Variants in XIAP observed in about 807,000 individuals in gnomAD.
XIAP encodes E3 ubiquitin-protein ligase XIAP.
Under a neutral mutation model 33.1 loss-of-function variants are expected in XIAP, and 3 were observed. The observed-to-expected ratio is 0.09, with a 90% confidence interval of 0.04 to 0.23. The LOEUF is 0.23. Among genes scored for constraint, XIAP ranks in the 10% least tolerant of loss-of-function variants. The pLI is 1.00. For synonymous variants in XIAP, 98 were observed against 121.3 expected (o/e 0.81, Z 1.26); for missense variants, 264 against 363.0 (o/e 0.73, Z 2.22).
chrX:123,867,319 A>G (rs2053150760), intron 1 of XIAP, among the ~76,000 whole-genome samples: 1 of 108,283 alleles, frequency 9.2e-6, no homozygotes, highest in Admixed American at 1.0e-4. Flanking sequence ...TCAGCCTCCC[A>G]AAGTGCTGGG....
chrX:123,885,483 C>T lies in XIAP; in HGVS notation c.-32-148C>T, dbSNP rs767037755. On this transcript the variant is annotated intron_variant, in intron 1 of 6. Transcript: ENST00000371199. ...TATGACTTGAATGATGTGGTAATGT[C>T]GAACTCTAGTATTTAGAATTAGAAT... 1.7e-4 allele frequency: 75 copies of T among 434,137 alleles called. 1 individual carries two copies. Among genetic ancestry groups the T allele is most frequent in the Non-Finnish European group, 2.5e-4 (67 of 264,357 alleles). 35.8% of individuals were successfully genotyped at this position (434,137 alleles called of 1,213,427 possible). A position where few individuals can be genotyped will look rare whatever the true frequency, so the allele number is the denominator to read the frequency against.
At chrX:123,906,813 T>C (rs17334739) in intron 6 of XIAP, among the ~76,000 whole-genome samples, 175 bp from the exon 7 acceptor site, 21,599 of 111,423 alleles carry the variant, frequency 0.19, 1,486 homozygotes, top group South Asian at 0.39. Flanking sequence ...TCATCTTACA[T>C]CCTCTCCCAC....
intron 1 of XIAP, among the ~76,000 whole-genome samples, chrX:123,874,274 T>C (rs1038029611): frequency 8.9e-6 from 1 of 112,009 alleles, no homozygotes; most frequent in Admixed American, 9.6e-5. Context: ...CTAATATATT[T>C]GCTGTATAGA....
In XIAP at chrX:123,912,321, C is replaced by T. The variant is rs762047770; in HGVS notation, c.*5140C>T. ...TAAGCAACAGTATAACAACTATTTA[C>T]ATAGCATTAAGGTTGGTGCAAAAAT... On this transcript the variant is annotated 3_prime_UTR_variant, in exon 7 of 7. Coordinates refer to ENST00000371199, the MANE Select transcript of XIAP (RefSeq NM_001167.4). 54 of 309,265 alleles carry T rather than the reference C, an allele frequency of 1.7e-4. No homozygotes were observed. In the East Asian group the frequency reaches 2.5e-3, roughly 15 times the overall value. The allele number at this position is 309,265 out of a possible 1,213,427, so 25.5% of individuals were successfully genotyped here.
Position 123,885,786 on chromosome X carries a change from G to A in XIAP, c.124G>A (p.Val42Ile), listed in dbSNP as rs1236823622. ...TGCTAATTTTCCAAGTGGTAGTCCTGTTTCAGCATCAACACTGGCACGAGC... is the reference window on the plus strand; with the variant it reads ...TGCTAATTTTCCAAGTGGTAGTCCTATTTCAGCATCAACACTGGCACGAGC... ...TFANFPSGSP[V>I]SASTLARAGF... Residue 42 changes from valine (V) to isoleucine (I), a missense_variant, in exon 2 of 7, where the codon GTT becomes ATT. Val to Ile is a conservative substitution (Grantham distance 29, BLOSUM62 3). Coordinates refer to ENST00000371199, the MANE Select transcript of XIAP (RefSeq NM_001167.4). 1.7e-6 allele frequency: 2 copies of A among 1,211,970 alleles called. No homozygotes were observed. Among genetic ancestry groups the A allele is most frequent in the Non-Finnish European group, 2.2e-6 (2 of 895,594 alleles).
At chrX:123,899,940 C>G (rs2053501520) in intron 5 of XIAP, among the ~76,000 whole-genome samples, 1 of 111,548 alleles carries the variant, frequency 9.0e-6, no homozygotes. Flanking sequence ...CCTAGCACTT[C>G]CCTACACATG....
chrX:123,885,843 G>C lies in XIAP; in HGVS notation c.181G>C (p.Val61Leu), dbSNP rs2148089430. ...TCTTTATACTGGTGAAGGAGATACCGTGCGGTGCTTTAGTTGTCATGCAGC... is the reference window on the plus strand; with the variant it reads ...TCTTTATACTGGTGAAGGAGATACCCTGCGGTGCTTTAGTTGTCATGCAGC... ...GFLYTGEGDT[V>L]RCFSCHAAVD... Residue 61 changes from valine to leucine, a missense_variant, in exon 2 of 7, where the codon GTG becomes CTG. Physicochemically the swap from Val to Leu is conservative, Grantham distance 32. Coordinates refer to ENST00000371199, the MANE Select transcript of XIAP (RefSeq NM_001167.4). 8.3e-7 allele frequency: 1 copy of C among 1,210,353 alleles called. No homozygotes were observed. Among genetic ancestry groups the C allele is most frequent in the South Asian group, 1.8e-5 (1 of 56,868 alleles).
intron 5 of XIAP, 141 bp from the exon 6 acceptor site, chrX:123,900,352 A>G (rs1275525792): frequency 5.8e-6 from 3 of 517,953 alleles, no homozygotes; most frequent in African/African-American, 4.8e-5. Flanking sequence ...TTCCCAAAGC[A>G]GCTTTGCTTT....
Position 123,912,837 on chromosome X carries a change from G to A in XIAP, c.*5656G>A, listed in dbSNP as rs1045633590. On this transcript the variant is annotated 3_prime_UTR_variant, in exon 7 of 7. Transcript: ENST00000371199. ...CCAGTTAATTTTTTTTGTATTCTTA[G>A]TAGAGACAGGGTTTCACCATGTTGG... The A allele has an allele frequency of 1.2e-5, 4 of 323,953 alleles. No homozygotes were observed. The Admixed American group carries it at 1.3e-4, about 10-fold the overall frequency. 26.7% of individuals were successfully genotyped at this position (323,953 alleles called of 1,213,427 possible).
chrX:123,888,412 C>G (rs1395043940), intron 2 of XIAP, among the ~76,000 whole-genome samples: 1 of 112,225 alleles, frequency 8.9e-6, no homozygotes, highest in Non-Finnish European at 1.9e-5. Flanking sequence ...TATAAAAATA[C>G]CTCACATTGA....
chrX:123,866,515 CATATATAATATCAAA>C (rs1218632732), intron 1 of XIAP, among the ~76,000 whole-genome samples: 2 of 61,975 alleles, frequency 3.2e-5, no homozygotes, highest in Non-Finnish European at 6.3e-5. Context: ...TATGATATAT[CATATATAATATCAAA>C]ATATATAATA....
At position 123,900,471 on chromosome X, in the gene XIAP, TCCTCACCAA is replaced by T; in HGVS notation, c.1100-21_1100-13del. ...AATTGTTTAAATTCTATGTTCTTTTTCCTCACCAATTTTTATTTCAGATGATACCATCTT... is the reference window on the plus strand; with the variant it reads ...AATTGTTTAAATTCTATGTTCTTTTTTTTTTATTTCAGATGATACCATCTT... On this transcript the variant is annotated splice_polypyrimidine_tract_variant and intron_variant, in intron 5 of 6. Transcript: ENST00000371199. The T allele has an allele frequency of 8.6e-7, 1 of 1,165,202 alleles. No individual in the cohort carries two copies. Among genetic ancestry groups the T allele is most frequent in the Admixed American group, 2.2e-5 (1 of 45,743 alleles).
rs1384485348 is a variant in XIAP at position 123,910,553 on chromosome X, T to G, written c.*3372T>G. 3.0e-6 allele frequency: 1 copy of G among 329,347 alleles called. No individual in the cohort carries two copies. Among genetic ancestry groups the G allele is most frequent in the East Asian group, 9.7e-5 (1 of 10,324 alleles). 27.1% of individuals were successfully genotyped at this position (329,347 alleles called of 1,213,427 possible). ...AGTAGGATATACTATGGGATGTATA[T>G]ATATCATTGCTGTTAGAGAAATGAA... On this transcript the variant is annotated 3_prime_UTR_variant, in exon 7 of 7. Coordinates refer to ENST00000371199, the MANE Select transcript of XIAP (RefSeq NM_001167.4).
chrX:123,887,805 G>A (rs1323973519), intron 2 of XIAP, among the ~76,000 whole-genome samples: 1 of 109,711 alleles, frequency 9.1e-6, no homozygotes, highest in African/African-American at 3.3e-5. Context: ...CCAACATGGT[G>A]AAACCCCGTC....
In XIAP at chrX:123,909,903, T is replaced by C. The variant is rs1295663628; in HGVS notation, c.*2722T>C. The stretch of plus-strand genomic sequence containing the variant: ...TATAAAAAGCACCGGATCTTTTCCA[T>C]CTAATTCCGCAAAAATTGATCATTT... On this transcript the variant is annotated 3_prime_UTR_variant, in exon 7 of 7. Transcript: ENST00000371199. 3.0e-6 allele frequency: 1 copy of C among 328,115 alleles called. No individual in the cohort carries two copies. Among genetic ancestry groups the C allele is most frequent in the African/African-American group, 2.7e-5 (1 of 37,650 alleles). The allele number at this position is 328,115 out of a possible 1,213,427, so 27.0% of individuals were successfully genotyped here.
At chrX:123,888,834 G>A (rs1211425486) in intron 3 of XIAP, 116 bp downstream of exon 3, 2 of 630,797 alleles carry the variant, frequency 3.2e-6, no homozygotes, top group Non-Finnish European at 5.1e-6. Flanking sequence ...TTCATGCTAG[G>A]TTTATAAAAA....
chrX:123,892,582 C>T (rs1291303967), intron 4 of XIAP, 149 bp from the exon 5 acceptor site: 1 of 453,325 alleles, frequency 2.2e-6, no homozygotes, highest in East Asian at 4.1e-5. Context: ...CCTTCTAGCT[C>T]CATCAGGCTA....
chrX:123,864,087 A>G (rs2053105679), intron 1 of XIAP, among the ~76,000 whole-genome samples: 1 of 107,923 alleles, frequency 9.3e-6, no homozygotes, highest in African/African-American at 3.4e-5. Context: ...GGAAGTGAGC[A>G]GTTTCTCAAA....
At position 123,908,057 on chromosome X, in the gene XIAP, ATTAC is replaced by A. The variant is rs928884535; in HGVS notation, c.*879_*882del. On this transcript the variant is annotated 3_prime_UTR_variant, in exon 7 of 7. Coordinates refer to ENST00000371199, the MANE Select transcript of XIAP (RefSeq NM_001167.4). ...CTGTTCGAATTTTTTATAAGTATGT[ATTAC>A]TTTTGTAATCAGAATTTTTAGAAAG... The A allele has an allele frequency of 2.4e-5, 9 of 368,143 alleles. No individual in the cohort carries two copies. The highest frequency in any genetic ancestry group is 2.0e-4 in the African/African-American group (8 of 39,432). 30.3% of individuals were successfully genotyped at this position (368,143 alleles called of 1,213,427 possible). A position where few individuals can be genotyped will look rare whatever the true frequency, so the allele number is the denominator to read the frequency against.
Sources: gnomAD v4.1 joint callset for allele counts (sites outside exome capture counted in the v4.1 genomes callset) on GRCh38, gnomAD v4.1.1 for gene constraint, MANE v1.5 for transcripts, NCBI Gene and HGNC (gene_info 2026-07-23, HGNC 2026-07-21) for gene names.